SND1: variants seen among roughly 807,000 people sequenced by gnomAD.
The protein encoded by SND1 is staphylococcal nuclease domain-containing protein 1.
Under a neutral mutation model 121.7 loss-of-function variants are expected in SND1, and 38 were observed. That is an observed-to-expected ratio of 0.31 (90% confidence interval 0.24 to 0.41). SND1 has a LOEUF of 0.41. Ranked by LOEUF, SND1 falls within the 10% of genes least tolerant of loss-of-function variation. SND1 has a pLI of 1.00. For synonymous variants in SND1, 401 were observed against 447.4 expected (o/e 0.90, Z 1.31); for missense variants, 868 against 1,184.6 (o/e 0.73, Z 3.92).
intron 10 of SND1, among the ~76,000 whole-genome samples, chr7:127,755,029 G>C (rs1482589993): frequency 6.6e-6 from 1 of 152,170 alleles, no homozygotes; most frequent in Non-Finnish European, 1.5e-5. Context: ...AGTTCAGGGG[G>C]CCGGGTTGTA....
At chr7:127,885,011 G>GAGCC (rs1185155977) in intron 12 of SND1, among the ~76,000 whole-genome samples, 1 of 152,008 alleles carries the variant, frequency 6.6e-6, no homozygotes, top group Admixed American at 6.6e-5. Context: ...CCTGGCTATG[G>GAGCC]AGCCACCTTC....
chr7:127,786,009 G>C (rs1797805531), intron 10 of SND1, among the ~76,000 whole-genome samples: 1 of 151,772 alleles, frequency 6.6e-6, no homozygotes, highest in Non-Finnish European at 1.5e-5. Flanking sequence ...GCTTGCATCA[G>C]GAAAGATGTC....
At position 128,085,721 on chromosome 7, in the gene SND1, C is replaced by T. The variant is rs779622278; in HGVS notation, c.2245C>T (p.Arg749Ter). 4 of 1,613,872 alleles carry T rather than the reference C, an allele frequency of 2.5e-6. No individual in the cohort carries two copies. The highest frequency in any genetic ancestry group is 3.4e-6 in the Non-Finnish European group (4 of 1,179,958). ...KFVDGEWYRA[R>*]VEKVESPAKI... Reference sequence around the variant, plus strand: ...ATGATGCCATTGCAGGTACCGTGCCCGAGTAGAGAAAGTCGAGTCTCCTGC... The same window carrying T: ...ATGATGCCATTGCAGGTACCGTGCCTGAGTAGAGAAAGTCGAGTCTCCTGC... The change falls in exon 20 of 24, where the codon CGA becomes TGA. Residue 749 changes from arginine (R) to a stop codon, truncating the protein, a stop_gained. Transcript: ENST00000354725. LOFTEE classifies it high-confidence loss of function. The surrounding 1 kb of genome is among the most constrained non-coding windows in gnomAD (Gnocchi z 4.4).
At chr7:127,891,561 T>G (rs1435805759) in intron 13 of SND1, among the ~76,000 whole-genome samples, 1 of 152,088 alleles carries the variant, frequency 6.6e-6, no homozygotes, top group East Asian at 1.9e-4. Flanking sequence ...TTTTCCTAGA[T>G]AGATTAGCTG....
chr7:128,006,916 C>G (rs888037628), intron 16 of SND1, among the ~76,000 whole-genome samples: 2 of 152,164 alleles, frequency 1.3e-5, no homozygotes, highest in Non-Finnish European at 2.9e-5. Flanking sequence ...TGTGTCAGCC[C>G]GAGCACACAG....
At chr7:127,987,655 G>A (rs756754543) in intron 15 of SND1, among the ~76,000 whole-genome samples, 2 of 152,158 alleles carry the variant, frequency 1.3e-5, no homozygotes, top group African/African-American at 4.8e-5. Flanking sequence ...GACCTGCCCC[G>A]TCCTTCCATC....
chr7:127,962,791 C>G (rs1246077939), intron 15 of SND1, among the ~76,000 whole-genome samples: 2 of 152,182 alleles, frequency 1.3e-5, no homozygotes, highest in East Asian at 1.9e-4. Context: ...TAGTTACAGA[C>G]TGTGTGAGTG....
chr7:127,654,481 C>T (rs1406775368), intron 1 of SND1, among the ~76,000 whole-genome samples: 1 of 152,180 alleles, frequency 6.6e-6, no homozygotes, highest in Non-Finnish European at 1.5e-5. Flanking sequence ...GACTTCATGA[C>T]TCCAGGGTAT....
At chr7:127,799,281 T>G (rs1798084153) in intron 10 of SND1, among the ~76,000 whole-genome samples, 1 of 152,154 alleles carries the variant, frequency 6.6e-6, no homozygotes. Flanking sequence ...AATCCCAGCT[T>G]TGCTATTACT....
chr7:127,920,287 G>C (rs898919482), intron 14 of SND1, among the ~76,000 whole-genome samples: 1 of 152,116 alleles, frequency 6.6e-6, no homozygotes, highest in Non-Finnish European at 1.5e-5. Flanking sequence ...CAAAAATGAA[G>C]GGAAATAAAC....
At chr7:127,786,944 G>A (rs1386457838) in intron 10 of SND1, among the ~76,000 whole-genome samples, 2 of 152,162 alleles carry the variant, frequency 1.3e-5, no homozygotes, top group Non-Finnish European at 2.9e-5. Flanking sequence ...GCCCGGCCTT[G>A]TTTGTTTTTA....
chr7:127,742,339 A>T (rs940241273), intron 10 of SND1, among the ~76,000 whole-genome samples: 2 of 152,088 alleles, frequency 1.3e-5, no homozygotes, highest in Non-Finnish European at 2.9e-5. Flanking sequence ...CATTTTCAGT[A>T]GCTTTGAGCC....
intron 17 of SND1, among the ~76,000 whole-genome samples, chr7:128,074,930 A>G (rs1793482001): frequency 6.6e-6 from 1 of 152,180 alleles, no homozygotes; most frequent in East Asian, 1.9e-4. Context: ...CCAGAATGTC[A>G]TCAGTGATCC....
intron 1 of SND1, among the ~76,000 whole-genome samples, chr7:127,674,492 T>G (rs967463309): frequency 1.1e-4 from 16 of 152,252 alleles, no homozygotes; most frequent in Non-Finnish European, 2.2e-4. Flanking sequence ...GTAACAAATC[T>G]GCTCACACTG....
At chr7:128,068,197 G>A (rs1227534886) in intron 16 of SND1, among the ~76,000 whole-genome samples, 1 of 152,082 alleles carries the variant, frequency 6.6e-6, no homozygotes. Flanking sequence ...TTTGAAAGCT[G>A]AGTTCTTAAA....
chr7:127,902,307 T>C (rs532451513), intron 13 of SND1, among the ~76,000 whole-genome samples: 10 of 152,334 alleles, frequency 6.6e-5, no homozygotes, highest in African/African-American at 2.4e-4. Context: ...GATAAGGCTG[T>C]AGGCATTTAG....
chr7:128,002,040 G>T (rs1389029157), intron 16 of SND1, among the ~76,000 whole-genome samples: 1 of 152,224 alleles, frequency 6.6e-6, no homozygotes, highest in Non-Finnish European at 1.5e-5. Context: ...ATCTAGGTAT[G>T]TGTGTTGTGA....
chr7:127,929,454 G>A (rs1429554175), intron 15 of SND1, 125 bp downstream of exon 15: 2 of 955,464 alleles, frequency 2.1e-6, no homozygotes, highest in African/African-American at 3.3e-5. Flanking sequence ...CTCTCTGGTT[G>A]GGATATGCAA....
intron 12 of SND1, among the ~76,000 whole-genome samples, chr7:127,865,077 C>T (rs1799444730): frequency 6.6e-6 from 1 of 152,234 alleles, no homozygotes; most frequent in African/African-American, 2.4e-5. Context: ...TGCATCTCAA[C>T]AGCAGTATTC....
Sources: gnomAD v4.1 joint callset for allele counts (sites outside exome capture counted in the v4.1 genomes callset) on GRCh38, gnomAD v4.1.1 for gene constraint, Gnocchi (gnomAD v3.1) non-coding constraint, MANE v1.5 for transcripts, NCBI Gene and HGNC (gene_info 2026-07-23, HGNC 2026-07-21) for gene names.